The following MICU2 variants were observed in gnomAD, a reference collection of about 807,000 sequenced individuals.
The protein encoded by MICU2 is mitochondrial calcium uptake 2.
MICU2 carries 64 observed loss-of-function variants against 60.4 expected under a neutral mutation model. That is an observed-to-expected ratio of 1.06 (90% CI 0.87 to 1.31). MICU2 has a LOEUF of 1.31. Ranked by LOEUF, MICU2 falls within the 50% of genes most tolerant of loss-of-function variation. The pLI, the probability that MICU2 is intolerant of heterozygous loss-of-function variation, is 0.00. For synonymous variants in MICU2, 201 were observed against 175.0 expected (o/e 1.15, Z -1.17); for missense variants, 569 against 531.0 (o/e 1.07, Z -0.70).
chr13:21,590,770 G>A (rs904718956), intron 1 of MICU2, among the ~76,000 whole-genome samples: 1 of 152,262 alleles, frequency 6.6e-6, no homozygotes, highest in Non-Finnish European at 1.5e-5. Flanking sequence ...CAGGAGGATC[G>A]CTTGAACCCA....
At chr13:21,516,461 C>G (rs898223700) in intron 6 of MICU2, among the ~76,000 whole-genome samples, 5 of 152,168 alleles carry the variant, frequency 3.3e-5, no homozygotes, top group Non-Finnish European at 4.4e-5. Flanking sequence ...TTTATTCAAT[C>G]ACCTGTTGAT....
At chr13:21,567,217 T>C (rs1007498983) in intron 1 of MICU2, among the ~76,000 whole-genome samples, 5 of 152,114 alleles carry the variant, frequency 3.3e-5, no homozygotes, top group African/African-American at 4.8e-5. Context: ...AAGTACTACA[T>C]AGAAATATAA....
chr13:21,588,148 T>A (rs1888499733), intron 1 of MICU2, among the ~76,000 whole-genome samples: 1 of 152,186 alleles, frequency 6.6e-6, no homozygotes, highest in Non-Finnish European at 1.5e-5. Flanking sequence ...CCGGTTTTTG[T>A]AATTTCCTAA....
rs190070527 is a variant in MICU2 at position 21,576,937 on chromosome 13, A to G, written c.211-9993T>C. Among the ~76,000 whole-genome samples the G allele has an allele frequency of 1.9e-3, 289 of 152,388 alleles. 3 individuals are homozygous for G. The highest frequency in any genetic ancestry group is 6.7e-3 in the African/African-American group (280 of 41,594). On this transcript the variant is annotated intron_variant, in intron 1 of 11. Coordinates refer to ENST00000382374, the MANE Select transcript of MICU2 (RefSeq NM_152726.3). The stretch of plus-strand genomic sequence containing the variant: ...ACAAATAGAAATTTTATCCAAAACA[A>G]AAATAGAACAAAAAATTTTAAAACT...
In MICU2 at chr13:21,493,188, C is replaced by T; in HGVS notation, c.*61G>A. 1 of 1,156,286 alleles carries T rather than the reference C, an allele frequency of 8.6e-7. No individual in the cohort carries two copies. The highest frequency in any genetic ancestry group is 1.2e-6 in the Non-Finnish European group (1 of 819,248). The allele number at this position is 1,156,286 out of a possible 1,614,324, so 71.6% of individuals were successfully genotyped here. On this transcript the variant is annotated 3_prime_UTR_variant, in exon 12 of 12. Transcript: ENST00000382374. ...TTAAGAAGATAAATAGCAAGTACTT[C>T]TAAAAAATCACAAATTTTGACATTT...
At chr13:21,537,112 T>C (rs1298570681) in intron 4 of MICU2, among the ~76,000 whole-genome samples, 1 of 152,234 alleles carries the variant, frequency 6.6e-6, no homozygotes, top group Non-Finnish European at 1.5e-5. Flanking sequence ...TTTTTCCCTC[T>C]TGACTTTCCT....
intron 6 of MICU2, among the ~76,000 whole-genome samples, chr13:21,519,958 A>T (rs1886676190): frequency 1.3e-5 from 2 of 152,224 alleles, no homozygotes; most frequent in African/African-American, 2.4e-5. Context: ...ACTCCAAAGA[A>T]GATCTAAAAT....
chr13:21,576,115 T>C (rs1330570703), intron 1 of MICU2, among the ~76,000 whole-genome samples: 1 of 152,238 alleles, frequency 6.6e-6, no homozygotes, highest in East Asian at 1.9e-4. Flanking sequence ...TAAATTTAAG[T>C]ATTTTTCACA....
intron 8 of MICU2, among the ~76,000 whole-genome samples, chr13:21,507,803 C>G (rs1030535086): frequency 1.3e-5 from 2 of 151,898 alleles, no homozygotes; most frequent in African/African-American, 4.8e-5. Flanking sequence ...GGGGTTTCAC[C>G]ACGTTGGCCA....
At chr13:21,589,784 C>T (rs866765489) in intron 1 of MICU2, among the ~76,000 whole-genome samples, 12 of 131,526 alleles carry the variant, frequency 9.1e-5, no homozygotes, top group Non-Finnish European at 8.8e-5. Context: ...CCACTCACCC[C>T]GTAGTGCACT....
chr13:21,562,896 G>T (rs1322751426), intron 2 of MICU2, among the ~76,000 whole-genome samples: 1 of 151,850 alleles, frequency 6.6e-6, no homozygotes, highest in Non-Finnish European at 1.5e-5. Context: ...TCTGAAGAAC[G>T]TCTTTGAACA....
intron 2 of MICU2, among the ~76,000 whole-genome samples, chr13:21,556,583 G>C (rs1234309309): frequency 2.0e-5 from 3 of 152,128 alleles, no homozygotes; most frequent in African/African-American, 7.2e-5. Flanking sequence ...TTTAAAGAAT[G>C]AGACAGTGGA....
intron 1 of MICU2, among the ~76,000 whole-genome samples, chr13:21,580,856 G>C (rs139851327): frequency 6.6e-6 from 1 of 152,220 alleles, no homozygotes; most frequent in East Asian, 1.9e-4. Context: ...AAGCTCCCTT[G>C]AACAATGAAG....
At chr13:21,570,258 C>G (rs1399434613) in intron 1 of MICU2, among the ~76,000 whole-genome samples, 1 of 152,066 alleles carries the variant, frequency 6.6e-6, no homozygotes, top group African/African-American at 2.4e-5. Flanking sequence ...AGTTGATGAA[C>G]CAACATAGTT....
chr13:21,507,061 A>G (rs76374554), intron 8 of MICU2, among the ~76,000 whole-genome samples: 1 of 152,342 alleles, frequency 6.6e-6, no homozygotes, highest in East Asian at 1.9e-4. Flanking sequence ...CATAAATTCC[A>G]GCCTAGTATA....
At chr13:21,502,442 T>C (rs533552312) in intron 9 of MICU2, among the ~76,000 whole-genome samples, 3 of 152,178 alleles carry the variant, frequency 2.0e-5, no homozygotes, top group Non-Finnish European at 4.4e-5. Context: ...GTCATTACAT[T>C]TTCTACTTGT....
At chr13:21,517,434 T>G (rs1886597332) in intron 6 of MICU2, among the ~76,000 whole-genome samples, 1 of 152,218 alleles carries the variant, frequency 6.6e-6, no homozygotes, top group African/African-American at 2.4e-5. Flanking sequence ...TATGCTTTTT[T>G]GATGTGAAAA....
At chr13:21,519,793 G>A (rs1415008804) in intron 6 of MICU2, among the ~76,000 whole-genome samples, 1 of 152,190 alleles carries the variant, frequency 6.6e-6, no homozygotes, top group African/African-American at 2.4e-5. Flanking sequence ...TTCAAATGAG[G>A]AGGGCTGACA....
intron 2 of MICU2, among the ~76,000 whole-genome samples, chr13:21,539,907 T>C (rs997425282): frequency 6.6e-5 from 10 of 152,254 alleles, no homozygotes; most frequent in African/African-American, 2.2e-4. Flanking sequence ...AGATCCATTT[T>C]CAATTTCACT....
Sources: gnomAD v4.1 joint callset for allele counts (sites outside exome capture counted in the v4.1 genomes callset) on GRCh38, gnomAD v4.1.1 for gene constraint, MANE v1.5 for transcripts, NCBI Gene and HGNC (gene_info 2026-07-23, HGNC 2026-07-21) for gene names.